The following SLIT3 variants were observed in gnomAD, a reference collection of about 807,000 sequenced individuals.
SLIT3 encodes the protein slit homolog 3 protein.
SLIT3 carries 68 observed loss-of-function variants against 184.0 expected under a neutral mutation model. The observed-to-expected ratio is 0.37, with a 90% CI of 0.30 to 0.45. The LOEUF (loss-of-function observed/expected upper bound fraction) is 0.45. Among genes scored for constraint, SLIT3 ranks in the 20% least tolerant of loss-of-function variants. The pLI, the probability that SLIT3 is intolerant of heterozygous loss-of-function variation, is 1.00. For synonymous variants in SLIT3, 831 were observed against 828.6 expected, an observed-to-expected ratio of 1.00 and a Z score of -0.05; for missense variants, 1,707 against 2,026.0, an observed-to-expected ratio of 0.84 and a Z score of 3.02.
chr5:168,837,659 T>C (rs922014358), intron 6 of SLIT3, among the ~76,000 whole-genome samples: 1 of 152,242 alleles, frequency 6.6e-6, no homozygotes, highest in Non-Finnish European at 1.5e-5. Context: ...TCCACATACT[T>C]TAACCGGCCA....
intron 3 of SLIT3, among the ~76,000 whole-genome samples, chr5:169,212,387 T>C (rs80104749): frequency 0.14 from 21,803 of 152,240 alleles, 1,900 homozygotes; most frequent in East Asian, 0.44. Context: ...ATGAGCTTTT[T>C]TTCATGTTTG....
chr5:169,121,954 A>C (rs865775266), intron 4 of SLIT3, among the ~76,000 whole-genome samples: 3 of 152,228 alleles, frequency 2.0e-5, no homozygotes, highest in Non-Finnish European at 4.4e-5. Flanking sequence ...AGAGAATTCC[A>C]GTTGTTCATA....
At chr5:168,967,194 A>G (rs932574479) in intron 4 of SLIT3, among the ~76,000 whole-genome samples, 1 of 152,106 alleles carries the variant, frequency 6.6e-6, no homozygotes, top group Non-Finnish European at 1.5e-5. Context: ...TCCAAAGAGT[A>G]CATATAGTAT....
chr5:168,976,546 T>C (rs1754768916), intron 4 of SLIT3, among the ~76,000 whole-genome samples: 1 of 152,188 alleles, frequency 6.6e-6, no homozygotes, highest in African/African-American at 2.4e-5. Flanking sequence ...CGCTCCCAAA[T>C]GAAGCTGATT....
intron 4 of SLIT3, among the ~76,000 whole-genome samples, chr5:169,138,997 C>A (rs1041189817): frequency 1.3e-5 from 2 of 152,242 alleles, no homozygotes; most frequent in African/African-American, 4.8e-5. Context: ...TGGAGACCTT[C>A]TCCAGGCCCA....
At position 169,038,412 on chromosome 5, in the gene SLIT3, G is replaced by A. The variant is rs182634322; in HGVS notation, c.413+155067C>T. On this transcript the variant is annotated intron_variant, in intron 4 of 35. Transcript: ENST00000519560. ...ACCAAATACTGGTATATGCACATAC[G>A]TTCAATCAAATTATACTTTATACCA... is the stretch of plus-strand genomic sequence containing the variant. Among the ~76,000 whole-genome samples, 8 of 152,304 alleles carry A rather than the reference G, an allele frequency of 5.3e-5. No individual in the cohort carries two copies. The East Asian group carries it at 1.3e-3, about 26-fold the overall frequency.
At position 168,738,748 on chromosome 5, in the gene SLIT3, C is replaced by G. The variant is rs375418014; in HGVS notation, c.2270+9554G>C. Among the ~76,000 whole-genome samples, 37 of 152,206 alleles carry G rather than the reference C, an allele frequency of 2.4e-4. 1 individual carries two copies. The highest frequency in any genetic ancestry group is 6.8e-3 in the Middle Eastern group (2 of 294). ...GGTCAGGAGATCGAGACCATCCTGG[C>G]TAATACGGTGAAACCCCGTCTCTAC... On this transcript the variant is annotated intron_variant, in intron 20 of 35. Coordinates refer to ENST00000519560, the MANE Select transcript of SLIT3 (RefSeq NM_003062.4).
At chr5:168,673,061 C>A in intron 33 of SLIT3, 116 bp downstream of exon 33, 2 of 933,644 alleles carry the variant, frequency 2.1e-6, no homozygotes, top group East Asian at 2.4e-5. Context: ...AGATCAGCTT[C>A]GTTGTCCCTT....
At chr5:168,731,541 CAT>C (rs1763290366) in intron 20 of SLIT3, among the ~76,000 whole-genome samples, 1 of 151,724 alleles carries the variant, frequency 6.6e-6, no homozygotes, top group Non-Finnish European at 1.5e-5. Flanking sequence ...GGACAATAGA[CAT>C]AAAAATTCTC....
chr5:169,065,483 C>CAGGA lies in SLIT3; in HGVS notation c.413+127995_413+127996insTCCT, dbSNP rs1758319640. Among the ~76,000 whole-genome samples the CAGGA allele has an allele frequency of 2.6e-5, 4 of 152,332 alleles. No individual in the cohort carries two copies. In the South Asian group the frequency reaches 8.3e-4, roughly 32 times the overall value. The stretch of plus-strand genomic sequence containing the variant: ...AGTGTTTGTAGAGTTGAGCCCACGT[C>CAGGA]CTGGTGTCCCCAGAAGTTCTATACT... On this transcript the variant is annotated intron_variant, in intron 4 of 35. Coordinates refer to ENST00000519560, the MANE Select transcript of SLIT3 (RefSeq NM_003062.4).
intron 4 of SLIT3, among the ~76,000 whole-genome samples, chr5:169,031,543 G>A (rs1246629048): frequency 6.6e-6 from 1 of 152,214 alleles, no homozygotes; most frequent in Non-Finnish European, 1.5e-5. Flanking sequence ...TTACACCGAA[G>A]CTAGATTTTC....
At chr5:168,907,284 G>A (rs1231778473) in intron 4 of SLIT3, among the ~76,000 whole-genome samples, 1 of 152,168 alleles carries the variant, frequency 6.6e-6, no homozygotes, top group East Asian at 1.9e-4. Context: ...CAGCTTGGAG[G>A]GGTAGTCTCA....
chr5:169,046,262 C>T (rs932410229), intron 4 of SLIT3, among the ~76,000 whole-genome samples: 23 of 152,154 alleles, frequency 1.5e-4, no homozygotes. Context: ...AACATCTGTA[C>T]AGCACATTGT....
chr5:169,136,373 C>A (rs1280005012), intron 4 of SLIT3, among the ~76,000 whole-genome samples: 1 of 152,180 alleles, frequency 6.6e-6, no homozygotes, highest in African/African-American at 2.4e-5. Flanking sequence ...CCCACAGACC[C>A]ACACAGCTGA....
At chr5:168,911,963 T>C (rs2113083929) in intron 4 of SLIT3, among the ~76,000 whole-genome samples, 1 of 152,326 alleles carries the variant, frequency 6.6e-6, no homozygotes, top group East Asian at 1.9e-4. Flanking sequence ...ATGTATGAAG[T>C]ATACTTGACC....
intron 4 of SLIT3, among the ~76,000 whole-genome samples, chr5:169,095,077 A>G (rs1032470275): frequency 5.3e-5 from 8 of 152,204 alleles, no homozygotes; most frequent in African/African-American, 1.9e-4. Context: ...TGAAGTTTGA[A>G]AATAATCTCG....
chr5:169,213,091 A>C (rs1764319963), intron 3 of SLIT3, among the ~76,000 whole-genome samples: 1 of 152,154 alleles, frequency 6.6e-6, no homozygotes, highest in Non-Finnish European at 1.5e-5. Flanking sequence ...ATATCTCCTT[A>C]AGCTGAAGCA....
intron 4 of SLIT3, among the ~76,000 whole-genome samples, chr5:168,994,712 C>T (rs1159072381): frequency 4.1e-5 from 5 of 121,854 alleles, no homozygotes; most frequent in African/African-American, 1.6e-4. Flanking sequence ...ATGATGTGAT[C>T]TCAGCTCACT....
chr5:168,840,756 A>G (rs1258267382), intron 6 of SLIT3, among the ~76,000 whole-genome samples: 2 of 152,350 alleles, frequency 1.3e-5, no homozygotes, highest in East Asian at 1.9e-4. Flanking sequence ...CGGTCCCTCA[A>G]TTAAGAACCT....
Sources: allele counts gnomAD v4.1 joint callset (sites outside exome capture counted in the v4.1 genomes callset), GRCh38; gene constraint gnomAD v4.1.1; transcripts MANE v1.5; gene names NCBI Gene and HGNC (gene_info 2026-07-23, HGNC 2026-07-21).